The following LARGE1 variants were observed in gnomAD, a reference collection of about 807,000 sequenced individuals.
The protein encoded by LARGE1 is LARGE xylosyl- and glucuronyltransferase 1.
In LARGE1, 43 loss-of-function variants were observed where a neutral mutation model predicts 87.6. The ratio of observed to expected loss-of-function variants is 0.49; its 90% CI spans 0.38 to 0.63. The LOEUF is 0.63. Among genes scored for constraint, LARGE1 ranks in the 30% least tolerant of loss-of-function variants. The pLI is 0.00. For missense variants in LARGE1, 802 were observed against 1,000.2 expected, an observed-to-expected ratio of 0.80 and a Z score of 2.67; for synonymous variants, 434 against 394.6, an observed-to-expected ratio of 1.10 and a Z score of -1.18.
intron 5 of LARGE1, among the ~76,000 whole-genome samples, chr22:33,597,116 C>G (rs548717524): frequency 5.9e-5 from 9 of 152,228 alleles, no homozygotes; most frequent in African/African-American, 2.2e-4. Context: ...TTCGTCACAG[C>G]ACCTGAAGTT....
At chr22:33,890,029 C>A (rs2064963909) in intron 1 of LARGE1, among the ~76,000 whole-genome samples, 1 of 152,210 alleles carries the variant, frequency 6.6e-6, no homozygotes. Flanking sequence ...AGGCCAGGGC[C>A]CTGCCAAGCC....
intron 1 of LARGE1, among the ~76,000 whole-genome samples, chr22:33,838,826 T>C (rs2063185793): frequency 6.6e-6 from 1 of 152,098 alleles, no homozygotes; most frequent in Non-Finnish European, 1.5e-5. Flanking sequence ...GTCTGCAGAA[T>C]TAATCCAATC....
chr22:33,221,186 AGG>A (rs1491486390), intron 11 of LARGE1, among the ~76,000 whole-genome samples: 2 of 152,064 alleles, frequency 1.3e-5, no homozygotes, highest in African/African-American at 4.8e-5. Context: ...AGAGAGAGAG[AGG>A]GAATAACACA....
chr22:33,738,633 G>A (rs191419295), intron 2 of LARGE1, among the ~76,000 whole-genome samples: 1 of 152,292 alleles, frequency 6.6e-6, no homozygotes, highest in Non-Finnish European at 1.5e-5. Context: ...GCCGAGGCAG[G>A]TGGATCACGA....
chr22:33,123,136 G>A, the LARGE1 span, among the ~76,000 whole-genome samples: 1 of 152,162 alleles, frequency 6.6e-6, no homozygotes, highest in African/African-American at 2.4e-5. Flanking sequence ...GATATCTGGG[G>A]TAGCTTCTTG....
intron 2 of LARGE1, among the ~76,000 whole-genome samples, chr22:33,753,426 G>A (rs988004572): frequency 6.6e-6 from 1 of 152,068 alleles, no homozygotes; most frequent in Non-Finnish European, 1.5e-5. Context: ...ACCAGGAGAT[G>A]GATTCTTTAC....
intron 12 of LARGE1, among the ~76,000 whole-genome samples, chr22:33,296,185 G>A (rs1331713128): frequency 1.3e-5 from 2 of 152,206 alleles, no homozygotes; most frequent in Non-Finnish European, 2.9e-5. Context: ...GCTGGCTGGG[G>A]ATCACGGGGG....
intron 1 of LARGE1, among the ~76,000 whole-genome samples, chr22:33,856,961 C>T (rs2063773304): frequency 2.0e-5 from 3 of 152,004 alleles, no homozygotes; most frequent in African/African-American, 4.8e-5. Flanking sequence ...GACAGAGTCT[C>T]GCTCTGTTGC....
intron 10 of LARGE1, among the ~76,000 whole-genome samples, chr22:33,325,964 C>CCAGAGCT (rs1414384246): frequency 6.6e-6 from 1 of 152,170 alleles, no homozygotes; most frequent in Admixed American, 6.5e-5. Flanking sequence ...GAAACCTAAC[C>CCAGAGCT]CAGAGCTTGT....
At chr22:33,610,723 A>G (rs1227050708) in intron 4 of LARGE1, among the ~76,000 whole-genome samples, 1 of 152,128 alleles carries the variant, frequency 6.6e-6, no homozygotes, top group Non-Finnish European at 1.5e-5. Context: ...AGCCAAGACA[A>G]TGGGAAAAAG....
intron 2 of LARGE1, chr22:33,737,577 C>T (rs1455871079): frequency 6.6e-6 from 1 of 152,142 alleles, no homozygotes; most frequent in African/African-American, 2.4e-5. Context: ...ATATCACACA[C>T]CAACCGTGTG....
At chr22:33,783,019 T>C (rs1008208625) in intron 1 of LARGE1, among the ~76,000 whole-genome samples, 1 of 152,082 alleles carries the variant, frequency 6.6e-6, no homozygotes, top group Non-Finnish European at 1.5e-5. Flanking sequence ...TTAATTGGCA[T>C]TGTAATGCTG....
intron 6 of LARGE1, among the ~76,000 whole-genome samples, chr22:33,465,204 G>A (rs898002735): frequency 2.6e-5 from 4 of 152,218 alleles, no homozygotes; most frequent in African/African-American, 9.6e-5. Context: ...AGTCACAGAA[G>A]TATTAATATA....
At chr22:33,653,932 C>T (rs956178392) in intron 2 of LARGE1, among the ~76,000 whole-genome samples, 2 of 152,154 alleles carry the variant, frequency 1.3e-5, no homozygotes. Context: ...AGCAAGCAAG[C>T]AGGCTTCACC....
At chr22:33,093,449 G>A in the LARGE1 span, among the ~76,000 whole-genome samples, 5 of 152,300 alleles carry the variant, frequency 3.3e-5, no homozygotes, top group Middle Eastern at 3.4e-3. Context: ...TCATGGGAGA[G>A]GTAGAGGAGG....
intron 1 of LARGE1, among the ~76,000 whole-genome samples, chr22:33,895,487 C>A (rs749956492): frequency 6.6e-6 from 1 of 152,208 alleles, no homozygotes; most frequent in Non-Finnish European, 1.5e-5. Context: ...GTTCATGAAT[C>A]TCATAAGGCT....
At chr22:33,605,910 G>A (rs1374028837) in intron 4 of LARGE1, among the ~76,000 whole-genome samples, 1 of 152,184 alleles carries the variant, frequency 6.6e-6, no homozygotes, top group South Asian at 2.1e-4. Flanking sequence ...AGAAGGACGT[G>A]TAAGAGGAGA....
chr22:33,366,170 C>A (rs1385873676), intron 9 of LARGE1, among the ~76,000 whole-genome samples: 1 of 152,190 alleles, frequency 6.6e-6, no homozygotes, highest in Non-Finnish European at 1.5e-5. Flanking sequence ...TAAATTTTTT[C>A]CATGTGGATA....
At chr22:33,654,528 T>C (rs1031744131) in intron 2 of LARGE1, among the ~76,000 whole-genome samples, 6 of 152,178 alleles carry the variant, frequency 3.9e-5, no homozygotes, top group Admixed American at 3.9e-4. Context: ...ATCCTGACTT[T>C]TGCTTTTATT....
Sources: allele counts gnomAD v4.1 joint callset (sites outside exome capture counted in the v4.1 genomes callset), GRCh38; gene constraint gnomAD v4.1.1; transcripts MANE v1.5; gene names NCBI Gene and HGNC (gene_info 2026-07-23, HGNC 2026-07-21).